The following MEF2A variants were observed in gnomAD, a reference collection of about 807,000 sequenced individuals.
The protein encoded by MEF2A is myocyte-specific enhancer factor 2A.
A neutral mutation model predicts 55.8 loss-of-function variants in MEF2A; 28 were observed. That is an observed-to-expected ratio of 0.50 (90% CI 0.37 to 0.69). The LOEUF is 0.69. Among genes scored for constraint, MEF2A ranks in the 30% least tolerant of loss-of-function variants. The probability of loss-of-function intolerance (pLI) is 0.00; values close to 1 mark genes in which losing one functional copy is unlikely to be tolerated. For synonymous variants in MEF2A, 239 were observed against 227.1 expected (o/e 1.05, Z -0.47); for missense variants, 528 against 626.2 (o/e 0.84, Z 1.67).
chr15:99,628,104 G>A (rs760616795), intron 2 of MEF2A, among the ~76,000 whole-genome samples: 12 of 152,330 alleles, frequency 7.9e-5, no homozygotes, highest in Middle Eastern at 3.4e-3. Flanking sequence ...ATTCCTAACT[G>A]TAAGTGTTGT....
At chr15:99,636,102 C>T (rs1263662414) in intron 3 of MEF2A, among the ~76,000 whole-genome samples, 1 of 152,120 alleles carries the variant, frequency 6.6e-6, no homozygotes, top group East Asian at 1.9e-4. Flanking sequence ...GGTAGGTGAA[C>T]AATAGTAATT....
intron 1 of MEF2A, among the ~76,000 whole-genome samples, chr15:99,577,948 G>T (rs998166134): frequency 2.6e-5 from 4 of 152,168 alleles, no homozygotes; most frequent in Admixed American, 2.0e-4. Flanking sequence ...GTTTATATCA[G>T]GGGCTACAGG....
chr15:99,654,506 G>T (rs1000941970), intron 4 of MEF2A, among the ~76,000 whole-genome samples: 2 of 151,434 alleles, frequency 1.3e-5, no homozygotes, highest in African/African-American at 2.4e-5. Context: ...CTTAAAAATA[G>T]GGGTATTGGG....
Position 99,714,798 on chromosome 15 carries a change from T to TCC in MEF2A, c.*2027_*2028insCC. ...ACCTACAATTTCTATGTACATTTTGTTCCCCCCCCCCCACCCCCCCCCCAA... is the reference window on the plus strand; with the variant it reads ...ACCTACAATTTCTATGTACATTTTGTCCTCCCCCCCCCCCACCCCCCCCCCAA... On this transcript the variant is annotated 3_prime_UTR_variant, in exon 12 of 12. Transcript: ENST00000557942. 1 of 25,982 alleles carries TCC rather than the reference T, an allele frequency of 3.8e-5. No individual in the cohort carries two copies. Among genetic ancestry groups the TCC allele is most frequent in the African/African-American group, 2.2e-4 (1 of 4,522 alleles). 1.6% of individuals were successfully genotyped at this position (25,982 alleles called of 1,614,324 possible). A position where few individuals can be genotyped will look rare whatever the true frequency, so the allele number is the denominator to read the frequency against.
chr15:99,669,221 G>A (rs3784450), intron 4 of MEF2A, among the ~76,000 whole-genome samples: 9,306 of 152,216 alleles, frequency 0.061, 366 homozygotes, highest in East Asian at 0.17. Flanking sequence ...ACTAAGAAGA[G>A]CAAGACTAAT....
Position 99,604,267 on chromosome 15 carries a change from C to T in MEF2A, c.-143+5756C>T, listed in dbSNP as rs544971429. On this transcript the variant is annotated intron_variant, in intron 2 of 11. Transcript: ENST00000557942. ...TTACTCCAGGTTTTTGTTTTTGTTT[C>T]CCCTGTAATTTTAGTTATATATTTG... Among the ~76,000 whole-genome samples, 22 of 152,124 alleles carry T rather than the reference C, an allele frequency of 1.4e-4. No individual in the cohort carries two copies. In the East Asian group the frequency reaches 3.3e-3, roughly 23 times the overall value.
chr15:99,570,028 ATAT>A (rs1414734234), intron 1 of MEF2A, among the ~76,000 whole-genome samples: 1 of 151,718 alleles, frequency 6.6e-6, no homozygotes, highest in African/African-American at 2.4e-5. Context: ...TACTTTAATA[ATAT>A]TTATATTTAC....
chr15:99,709,460 A>G (rs1597332431), intron 10 of MEF2A, among the ~76,000 whole-genome samples: 1 of 152,328 alleles, frequency 6.6e-6, no homozygotes, highest in South Asian at 2.1e-4. Context: ...CGGAGGGAGC[A>G]CTGGGGAAGG....
intron 9 of MEF2A, among the ~76,000 whole-genome samples, chr15:99,704,355 T>G (rs1223507724): frequency 6.6e-6 from 1 of 152,250 alleles, no homozygotes; most frequent in Non-Finnish European, 1.5e-5. Flanking sequence ...AGTTTTGTAT[T>G]GGCCAACTGA....
At chr15:99,611,916 CAG>C (rs144406771) in intron 2 of MEF2A, among the ~76,000 whole-genome samples, 2,714 of 152,230 alleles carry the variant, frequency 0.018, 82 homozygotes, top group African/African-American at 0.061. Context: ...AAGCCAGACA[CAG>C]AAAGCTACAG....
chr15:99,578,731 A>G (rs1364288130), intron 1 of MEF2A, among the ~76,000 whole-genome samples: 4 of 151,846 alleles, frequency 2.6e-5, no homozygotes, highest in Non-Finnish European at 5.9e-5. Flanking sequence ...TGTATGCATA[A>G]TCATGCAATG....
Position 99,712,611 on chromosome 15 carries a change from T to G in MEF2A, c.1358T>G (p.Val453Gly), listed in dbSNP as rs1193389239. Reference protein sequence around the residue: ...QPRQEMGRSPVDSLSSSSSSY... With the variant: ...QPRQEMGRSPGDSLSSSSSSY... The stretch of plus-strand genomic sequence containing the variant: ...CGACAGGAAATGGGGCGCTCCCCTG[T>G]GGACAGTCTGAGCAGCTCTAGTAGC... The change falls in exon 12 of 12, where the codon GTG (valine) becomes GGG (glycine). Residue 453 changes from valine (V) to glycine (G), a missense_variant. By Grantham distance (109) the Val-to-Gly change is moderately radical. Around this residue, in one of 2 missense-constraint regions of MEF2A, gnomAD observed 450 missense variants for 475.3 expected, o/e 0.95. Transcript: ENST00000557942. This position sits in a 1 kb window ranked among gnomAD's most constrained non-coding sequence, Gnocchi z 4.1. 17 of 1,551,596 alleles carry G rather than the reference T, an allele frequency of 1.1e-5. No homozygotes were observed. The highest frequency in any genetic ancestry group is 1.5e-5 in the Non-Finnish European group (17 of 1,146,996).
At chr15:99,597,627 T>G (rs1168489547) in intron 1 of MEF2A, among the ~76,000 whole-genome samples, 1 of 152,146 alleles carries the variant, frequency 6.6e-6, no homozygotes, top group East Asian at 1.9e-4. Context: ...CTCCCTCCCC[T>G]TTTGAAACTC....
chr15:99,631,811 T>A (rs2042990566), intron 2 of MEF2A, among the ~76,000 whole-genome samples: 1 of 152,162 alleles, frequency 6.6e-6, no homozygotes, highest in Non-Finnish European at 1.5e-5. Context: ...AAATAAGAAA[T>A]GCTGTGCTGA....
At chr15:99,601,652 T>C (rs890254292) in intron 2 of MEF2A, among the ~76,000 whole-genome samples, 12 of 152,134 alleles carry the variant, frequency 7.9e-5, no homozygotes, top group African/African-American at 1.2e-4. Flanking sequence ...ATTTTAAATA[T>C]TGAACCAACC....
chr15:99,647,991 T>C lies in MEF2A; in HGVS notation c.258+2227T>C, dbSNP rs182025725. On this transcript the variant is annotated intron_variant, in intron 4 of 11. Transcript: ENST00000557942. ...ATGATGCAGCCTACATCTTCACTAG[T>C]AGTGCAATTCACATACGAGTTCTTT... is the stretch of plus-strand genomic sequence containing the variant. 5.9e-5 allele frequency among the ~76,000 whole-genome samples: 9 copies of C among 152,316 alleles called. No individual in the cohort carries two copies. The East Asian group carries it at 1.7e-3, about 29-fold the overall frequency.
chr15:99,643,486 A>G (rs140430394), intron 3 of MEF2A, among the ~76,000 whole-genome samples: 1 of 151,756 alleles, frequency 6.6e-6, no homozygotes, highest in African/African-American at 2.4e-5. Flanking sequence ...GCTTTCCTCC[A>G]TTGTATTCTA....
rs538482800 is a variant in MEF2A at position 99,612,260 on chromosome 15, C to CA, written c.-143+13756dup. Among the ~76,000 whole-genome samples the CA allele has an allele frequency of 1.6e-4, 25 of 151,906 alleles. No homozygotes were observed. The East Asian group carries it at 4.5e-3, about 27-fold the overall frequency. ...GAAACCCTGTTTCTACTAAAAACTACAAAAAAATTAGCTGGGCGCGGTGGT... is the reference window on the plus strand; with the variant it reads ...GAAACCCTGTTTCTACTAAAAACTACAAAAAAAATTAGCTGGGCGCGGTGGT... On this transcript the variant is annotated intron_variant, in intron 2 of 11. Coordinates refer to ENST00000557942, the MANE Select transcript of MEF2A (RefSeq NM_001319206.4).
intron 1 of MEF2A, among the ~76,000 whole-genome samples, chr15:99,566,756 C>A (rs575809971): frequency 6.6e-6 from 1 of 152,118 alleles, no homozygotes; most frequent in Non-Finnish European, 1.5e-5. Flanking sequence ...CGGGGTGGAA[C>A]GCTTAGGTAC....
Sources: gnomAD v4.1 joint callset for allele counts (sites outside exome capture counted in the v4.1 genomes callset) on GRCh38, gnomAD v4.1.1 for gene constraint, gnomAD v4.1.1 regional missense constraint, Gnocchi (gnomAD v3.1) non-coding constraint, MANE v1.5 for transcripts, NCBI Gene and HGNC (gene_info 2026-07-23, HGNC 2026-07-21) for gene names.